CLMP: variants seen among roughly 807,000 people sequenced by gnomAD.
The protein encoded by CLMP is CXADR like cell adhesion molecule, also known as CXADR-like membrane protein.
In CLMP, 27 loss-of-function variants were observed where a neutral mutation model predicts 45.2. The ratio of observed to expected loss-of-function variants is 0.60; its 90% confidence interval spans 0.44 to 0.82. CLMP has a LOEUF of 0.82. Among genes scored for constraint, CLMP ranks in the 40% least tolerant of loss-of-function variants. CLMP has a pLI of 0.00. For synonymous variants in CLMP, 167 were observed against 171.4 expected (o/e 0.97, Z 0.20); for missense variants, 403 against 448.4 (o/e 0.90, Z 0.91).
intron 1 of CLMP, among the ~76,000 whole-genome samples, chr11:123,107,402 C>T (rs1227083629): frequency 2.6e-5 from 4 of 151,642 alleles, no homozygotes; most frequent in Admixed American, 6.6e-5. Context: ...GGCAAATTTT[C>T]GTATTTTTAG....
chr11:123,169,385 T>A (rs540912863), intron 1 of CLMP, among the ~76,000 whole-genome samples: 3 of 152,226 alleles, frequency 2.0e-5, no homozygotes, highest in Admixed American at 2.0e-4. Flanking sequence ...TTAGCGCAGC[T>A]GACATGGAAA....
intron 1 of CLMP, among the ~76,000 whole-genome samples, chr11:123,140,669 G>A (rs528685741): frequency 6.6e-6 from 1 of 152,178 alleles, no homozygotes; most frequent in East Asian, 1.9e-4. Context: ...CAGCACTACC[G>A]ACTTTTCTGG....
At chr11:123,152,035 T>A (rs1164068829) in intron 1 of CLMP, among the ~76,000 whole-genome samples, 2 of 152,196 alleles carry the variant, frequency 1.3e-5, no homozygotes. Flanking sequence ...AGCCCTCGAA[T>A]CTGCTGGTAA....
chr11:123,122,569 C>T (rs1160894313), intron 1 of CLMP, among the ~76,000 whole-genome samples: 1 of 152,130 alleles, frequency 6.6e-6, no homozygotes, highest in African/African-American at 2.4e-5. Context: ...TCTGTTGCGA[C>T]ACCCTCTGCT....
At chr11:123,181,802 G>GT (rs1861773883) in intron 1 of CLMP, among the ~76,000 whole-genome samples, 1 of 152,228 alleles carries the variant, frequency 6.6e-6, no homozygotes, top group African/African-American at 2.4e-5. Context: ...AAAAGTGACA[G>GT]TTCGATTTCT....
At chr11:123,099,913 C>T (rs2135481997) in intron 1 of CLMP, among the ~76,000 whole-genome samples, 1 of 152,162 alleles carries the variant, frequency 6.6e-6, no homozygotes. Flanking sequence ...TTGAGACATA[C>T]ATTTGTGAAA....
At chr11:123,127,721 A>T (rs992367329) in intron 1 of CLMP, among the ~76,000 whole-genome samples, 1 of 152,092 alleles carries the variant, frequency 6.6e-6, no homozygotes, top group Non-Finnish European at 1.5e-5. Flanking sequence ...CCCTTAACAA[A>T]ATCAAACCAA....
intron 1 of CLMP, among the ~76,000 whole-genome samples, chr11:123,099,430 T>C (rs1421801534): frequency 6.6e-6 from 1 of 152,206 alleles, no homozygotes; most frequent in Non-Finnish European, 1.5e-5. Context: ...AGAGAAATTA[T>C]AGGCAATTAA....
intron 1 of CLMP, among the ~76,000 whole-genome samples, chr11:123,127,826 TAGG>T (rs1396352863): frequency 6.6e-6 from 1 of 152,010 alleles, no homozygotes; most frequent in African/African-American, 2.4e-5. Context: ...TACCTGAGGT[TAGG>T]AGTTCGACAC....
At chr11:123,128,343 T>C (rs144466905) in intron 1 of CLMP, among the ~76,000 whole-genome samples, 2 of 134,066 alleles carry the variant, frequency 1.5e-5, no homozygotes, top group African/African-American at 5.9e-5. Context: ...AGGCCTGTAA[T>C]CCTGGCATGG....
intron 1 of CLMP, among the ~76,000 whole-genome samples, chr11:123,173,713 C>A (rs920021249): frequency 6.6e-6 from 1 of 152,090 alleles, no homozygotes; most frequent in Admixed American, 6.6e-5. Flanking sequence ...GAATAAGTGA[C>A]TTGCCTAAGA....
chr11:123,166,167 G>A (rs746923578), intron 1 of CLMP, among the ~76,000 whole-genome samples: 13 of 152,050 alleles, frequency 8.5e-5, no homozygotes, highest in Non-Finnish European at 1.5e-4. Flanking sequence ...TTCATACCTC[G>A]CAGGCCTGAA....
chr11:123,086,132 A>G (rs1388719400), intron 2 of CLMP, among the ~76,000 whole-genome samples: 1 of 148,536 alleles, frequency 6.7e-6, no homozygotes, highest in Non-Finnish European at 1.5e-5. Flanking sequence ...GGCTGGTCTC[A>G]AAGTCCTGAC....
chr11:123,156,005 C>A (rs563137496), intron 1 of CLMP, among the ~76,000 whole-genome samples: 4 of 152,070 alleles, frequency 2.6e-5, no homozygotes, highest in Non-Finnish European at 5.9e-5. Flanking sequence ...TATGTCCCCC[C>A]AAAAATTCAT....
Position 123,073,292 on chromosome 11 carries a change from A to T in CLMP, c.*182T>A. On this transcript the variant is annotated 3_prime_UTR_variant, in exon 7 of 7. Transcript: ENST00000448775. The stretch of plus-strand genomic sequence containing the variant: ...CCTTTTTACAGATGAATCAGCTTAC[A>T]TCCTTTTGCTTGTTTGGTATTGTAT... 1.5e-6 allele frequency: 1 copy of T among 651,930 alleles called. No individual in the cohort carries two copies. The highest frequency in any genetic ancestry group is 3.4e-5 in the Admixed American group (1 of 29,802). The allele number at this position is 651,930 out of a possible 1,614,324, so 40.4% of individuals were successfully genotyped here.
At chr11:123,141,849 G>A (rs1415236499) in intron 1 of CLMP, among the ~76,000 whole-genome samples, 2 of 152,038 alleles carry the variant, frequency 1.3e-5, no homozygotes, top group African/African-American at 2.4e-5. Context: ...CATGGTGAAC[G>A]TTTTATAACT....
chr11:123,159,284 A>G (rs1861453896), intron 1 of CLMP, among the ~76,000 whole-genome samples: 1 of 152,234 alleles, frequency 6.6e-6, no homozygotes, highest in South Asian at 2.1e-4. Context: ...CTCATAGTAG[A>G]TTACGGAATT....
At chr11:123,159,733 G>A (rs1296748313) in intron 1 of CLMP, among the ~76,000 whole-genome samples, 1 of 152,134 alleles carries the variant, frequency 6.6e-6, no homozygotes, top group African/African-American at 2.4e-5. Context: ...GAGTCTGCAG[G>A]GATGAGTAGG....
chr11:123,181,588 G>A (rs550876799), intron 1 of CLMP, among the ~76,000 whole-genome samples: 1 of 152,154 alleles, frequency 6.6e-6, no homozygotes, highest in East Asian at 1.9e-4. Flanking sequence ...TTGTCAATCT[G>A]CTCCCCGACC....
Sources: allele counts gnomAD v4.1 joint callset (sites outside exome capture counted in the v4.1 genomes callset), GRCh38; gene constraint gnomAD v4.1.1; transcripts MANE v1.5; gene names NCBI Gene and HGNC (gene_info 2026-07-23, HGNC 2026-07-21).